Variants in ATP11A observed in about 807,000 individuals in gnomAD.
ATP11A encodes phospholipid-transporting ATPase IH.
In ATP11A, 81 loss-of-function variants were observed where a neutral mutation model predicts 154.4. The ratio of observed to expected loss-of-function variants is 0.52; its 90% CI spans 0.44 to 0.63. ATP11A has a LOEUF of 0.63. ATP11A is among the 30% of genes least tolerant of loss of function. The pLI, the probability that ATP11A is intolerant of heterozygous loss-of-function variation, is 0.00. For synonymous variants in ATP11A, 623 were observed against 585.9 expected, an observed-to-expected ratio of 1.06 and a Z score of -0.91; for missense variants, 1,316 against 1,474.3, an observed-to-expected ratio of 0.89 and a Z score of 1.76.
At position 112,882,263 on chromosome 13, in the gene ATP11A, G is replaced by C. The variant is rs540323433; in HGVS notation, c.*397G>C. ...GACATTCTGCTGGCCCACCCTGCGC[G>C]CTGTCATGCAGAGGCCATTCCCCCA... On this transcript the variant is annotated 3_prime_UTR_variant, in exon 30 of 30. Coordinates refer to ENST00000375645, the MANE Select transcript of ATP11A (RefSeq NM_015205.3). This position sits in a 1 kb window ranked among gnomAD's most constrained non-coding sequence, Gnocchi z 5.1. The C allele has an allele frequency of 1.9e-5, 11 of 565,610 alleles. No homozygotes were observed. Among genetic ancestry groups the C allele is most frequent in the South Asian group, 1.8e-4 (10 of 54,134 alleles). The allele number at this position is 565,610 out of a possible 1,614,324, so 35.0% of individuals were successfully genotyped here. A position where few individuals can be genotyped will look rare whatever the true frequency, so the allele number is the denominator to read the frequency against.
chr13:112,806,446 A>G (rs773161438), intron 4 of ATP11A, among the ~76,000 whole-genome samples, 153 bp downstream of exon 4: 8 of 152,232 alleles, frequency 5.3e-5, no homozygotes, highest in Non-Finnish European at 8.8e-5. Context: ...TTAGATTGAT[A>G]CTTGAAGCGA....
chr13:112,756,989 T>C (rs1223093838), intron 1 of ATP11A, among the ~76,000 whole-genome samples: 2 of 151,724 alleles, frequency 1.3e-5, no homozygotes. Context: ...TACAAAATGA[T>C]CATATTTGAA....
At chr13:112,872,621 A>G (rs1377642400) in intron 26 of ATP11A, among the ~76,000 whole-genome samples, 3 of 152,260 alleles carry the variant, frequency 2.0e-5, no homozygotes, top group Non-Finnish European at 4.4e-5. Flanking sequence ...AAAAATTTTA[A>G]GAAGTAACTT....
Position 112,725,541 on chromosome 13 carries a change from G to T in ATP11A, c.39+35086G>T, listed in dbSNP as rs1889753925. Among the ~76,000 whole-genome samples the T allele has an allele frequency of 2.0e-5, 3 of 152,264 alleles. No homozygotes were observed. The South Asian group carries it at 6.2e-4, about 32-fold the overall frequency. On this transcript the variant is annotated intron_variant, in intron 1 of 29. Coordinates refer to ENST00000375645, the MANE Select transcript of ATP11A (RefSeq NM_015205.3). The stretch of plus-strand genomic sequence containing the variant: ...GCTGGCTCTGCCTAGGTGCCCAGGA[G>T]TGACTGGCACAAGTGTGTGCTCTAT...
At chr13:112,819,190 A>G (rs2078726562) in intron 6 of ATP11A, 114 bp from the exon 7 acceptor site, 3 of 839,298 alleles carry the variant, frequency 3.6e-6, no homozygotes, top group South Asian at 1.5e-5. Context: ...ACTATTAAAC[A>G]TTTACAAACT....
At chr13:112,749,102 C>T (rs1024580827) in intron 1 of ATP11A, among the ~76,000 whole-genome samples, 3 of 152,240 alleles carry the variant, frequency 2.0e-5, no homozygotes, top group Admixed American at 2.0e-4. Flanking sequence ...GCAGCGTCCC[C>T]AGCGGCCTCC....
intron 17 of ATP11A, among the ~76,000 whole-genome samples, chr13:112,842,952 G>C (rs1799723079): frequency 6.6e-6 from 1 of 152,244 alleles, no homozygotes; most frequent in Non-Finnish European, 1.5e-5. Flanking sequence ...GGGCCGGCCT[G>C]AGTGTCTCTC....
chr13:112,780,759 T>C (rs2077478586), intron 1 of ATP11A, among the ~76,000 whole-genome samples: 1 of 152,102 alleles, frequency 6.6e-6, no homozygotes, highest in African/African-American at 2.4e-5. Context: ...GTTTGGACAA[T>C]GGGTTGTTAA....
chr13:112,848,939 C>T (rs566919987), intron 17 of ATP11A, among the ~76,000 whole-genome samples: 103 of 152,368 alleles, frequency 6.8e-4, no homozygotes, highest in Admixed American at 1.2e-3. Flanking sequence ...CTGCCCACCT[C>T]AGCCTCCCAA....
chr13:112,780,275 T>A (rs1363872565), intron 1 of ATP11A, among the ~76,000 whole-genome samples: 3 of 152,074 alleles, frequency 2.0e-5, no homozygotes, highest in Non-Finnish European at 4.4e-5. Context: ...CCAGAAGGTT[T>A]TCATCCCCCA....
chr13:112,823,963 G>A (rs888707634), intron 9 of ATP11A, among the ~76,000 whole-genome samples: 1 of 152,116 alleles, frequency 6.6e-6, no homozygotes, highest in Admixed American at 6.6e-5. Flanking sequence ...TACCTAGCAC[G>A]ATGTAAATAC....
At chr13:112,694,293 C>T (rs1218770854) in intron 1 of ATP11A, among the ~76,000 whole-genome samples, 1 of 152,180 alleles carries the variant, frequency 6.6e-6, no homozygotes, top group Non-Finnish European at 1.5e-5. Flanking sequence ...TGGGGAAGCT[C>T]TCAGTCCGTT....
chr13:112,866,873 A>G (rs1429953457), intron 25 of ATP11A, among the ~76,000 whole-genome samples: 1 of 151,982 alleles, frequency 6.6e-6, no homozygotes, highest in African/African-American at 2.4e-5. Context: ...CAATTCAAAT[A>G]TTATTTCACT....
rs116661923 is a variant in ATP11A, at chr13:112,742,525, C to T, written c.40-42610C>T. Reference sequence around the variant, plus strand: ...ATTAGCATTAATTTCAGGCACTGGACGACCAAAAGTGAGAAAAGGGAAAAC... The same window carrying T: ...ATTAGCATTAATTTCAGGCACTGGATGACCAAAAGTGAGAAAAGGGAAAAC... On this transcript the variant is annotated intron_variant, in intron 1 of 29. Transcript: ENST00000375645. 8.8e-3 allele frequency among the ~76,000 whole-genome samples: 1,340 copies of T among 152,286 alleles called. 27 individuals carry two copies. Among genetic ancestry groups the T allele is most frequent in the African/African-American group, 0.029 (1,217 of 41,536 alleles).
At chr13:112,854,716 G>T (rs1823299254) in intron 19 of ATP11A, among the ~76,000 whole-genome samples, 186 bp downstream of exon 19, 2 of 152,256 alleles carry the variant, frequency 1.3e-5, no homozygotes, top group African/African-American at 4.8e-5. Flanking sequence ...GTTTTTTCCA[G>T]CAATTGTGAT....
chr13:112,880,627 A>C (rs1372227818), intron 29 of ATP11A: 21 of 1,296,732 alleles, frequency 1.6e-5, no homozygotes, highest in Non-Finnish European at 2.1e-5. Context: ...ACGGCGGCCA[A>C]GGCGCAGTTA....
Position 112,881,960 on chromosome 13 carries a change from A to G in ATP11A, c.*94A>G, listed in dbSNP as rs1353241871. On this transcript the variant is annotated 3_prime_UTR_variant, in exon 30 of 30. Transcript: ENST00000375645. ...GGTGACACTCGCGGCCTGGAAGGAG[A>G]AGGTGTCCACGGAGCCCCCACCCAT... 1 of 1,367,624 alleles carries G rather than the reference A, an allele frequency of 7.3e-7. No homozygotes were observed. Among genetic ancestry groups the G allele is most frequent in the Non-Finnish European group, 9.8e-7 (1 of 1,021,948 alleles). 84.7% of individuals were successfully genotyped at this position (1,367,624 alleles called of 1,614,324 possible). A position where few individuals can be genotyped will look rare whatever the true frequency, so the allele number is the denominator to read the frequency against.
At chr13:112,786,736 C>T (rs993831347) in intron 2 of ATP11A, among the ~76,000 whole-genome samples, 3 of 152,274 alleles carry the variant, frequency 2.0e-5, no homozygotes, top group Non-Finnish European at 4.4e-5. Context: ...CACGCACACG[C>T]GTGGACGGGC....
intron 16 of ATP11A, among the ~76,000 whole-genome samples, chr13:112,840,830 C>T (rs755494181): frequency 7.9e-5 from 12 of 152,038 alleles, no homozygotes; most frequent in South Asian, 2.1e-4. Context: ...GCCTTGGATC[C>T]GGGTCGTCAG....
Sources: allele counts gnomAD v4.1 joint callset (sites outside exome capture counted in the v4.1 genomes callset), GRCh38; gene constraint gnomAD v4.1.1; non-coding constraint Gnocchi (gnomAD v3.1); transcripts MANE v1.5; gene names NCBI Gene and HGNC (gene_info 2026-07-23, HGNC 2026-07-21).